The following ZDHHC5 variants were observed in gnomAD, a reference collection of about 807,000 sequenced individuals.
The protein encoded by ZDHHC5 is zDHHC palmitoyltransferase 5.
ZDHHC5 carries 22 observed loss-of-function variants against 70.0 expected under a neutral mutation model. That is an observed-to-expected ratio of 0.31 (90% CI 0.22 to 0.45). The LOEUF (loss-of-function observed/expected upper bound fraction) is 0.45, where lower values mean the gene tolerates loss of function less well. Among genes scored for constraint, ZDHHC5 ranks in the 20% least tolerant of loss-of-function variants. ZDHHC5 has a pLI of 1.00. For synonymous variants in ZDHHC5, 313 were observed against 347.8 expected (o/e 0.90, Z 1.11); for missense variants, 746 against 926.9 (o/e 0.80, Z 2.53).
At chr11:57,682,072 T>C (rs1946156107) in intron 2 of ZDHHC5, among the ~76,000 whole-genome samples, 1 of 152,154 alleles carries the variant, frequency 6.6e-6, no homozygotes. Context: ...GTAGCTGATA[T>C]CATAGTCAGT....
At chr11:57,683,380 T>C (rs956776437) in intron 3 of ZDHHC5, among the ~76,000 whole-genome samples, 1 of 152,166 alleles carries the variant, frequency 6.6e-6, no homozygotes, top group Non-Finnish European at 1.5e-5. Context: ...CAAGGCTGGA[T>C]TTACAGATTT....
chr11:57,671,263 A>G (rs1487051368), intron 1 of ZDHHC5, among the ~76,000 whole-genome samples: 3 of 152,230 alleles, frequency 2.0e-5, no homozygotes, highest in Non-Finnish European at 2.9e-5. Flanking sequence ...AAAGCATTTT[A>G]TAAAATCCCA....
At chr11:57,670,676 A>G (rs1048247556) in intron 1 of ZDHHC5, among the ~76,000 whole-genome samples, 3 of 152,134 alleles carry the variant, frequency 2.0e-5, no homozygotes, top group Non-Finnish European at 4.4e-5. Context: ...CTGTATTCTA[A>G]TACTGCTGTT....
intron 1 of ZDHHC5, among the ~76,000 whole-genome samples, chr11:57,668,951 C>T (rs1040812237): frequency 6.6e-6 from 1 of 152,206 alleles, no homozygotes; most frequent in Non-Finnish European, 1.5e-5. Context: ...ATCACATATA[C>T]GTTATACGCT....
At chr11:57,683,527 G>T (rs1946173354) in intron 3 of ZDHHC5, among the ~76,000 whole-genome samples, 1 of 152,146 alleles carries the variant, frequency 6.6e-6, no homozygotes, top group Non-Finnish European at 1.5e-5. Flanking sequence ...TTATAAACCT[G>T]AATATGAGAT....
chr11:57,688,532 A>T lies in ZDHHC5; in HGVS notation c.251A>T (p.Asp84Val). The T allele has an allele frequency of 6.3e-7, 1 of 1,599,306 alleles. No homozygotes were observed. The highest frequency in any genetic ancestry group is 8.5e-7 in the Non-Finnish European group (1 of 1,172,122). Residue 84 changes from aspartate to valine, a missense_variant, in exon 4 of 12, where the codon GAT (aspartate) becomes GTT (valine). This residue lies in a region of ZDHHC5 where 89 missense variants were observed against 130.7 expected (regional missense o/e 0.68). Transcript: ENST00000287169. ...GCTGAGGAGGATGAGGACAAGGAAG[A>T]TGATTTCCGAGCTCCCCTTTACAAA... is the stretch of plus-strand genomic sequence containing the variant. ...PRAEEDEDKEDDFRAPLYKTV... is the reference protein window; with the variant it reads ...PRAEEDEDKEVDFRAPLYKTV...
At chr11:57,676,649 CA>C (rs909058724) in intron 2 of ZDHHC5, among the ~76,000 whole-genome samples, 150 of 142,334 alleles carry the variant, frequency 1.1e-3, no homozygotes, top group African/African-American at 2.8e-3. Flanking sequence ...ATCTTATATA[CA>C]AAAAAAAAAA....
rs1414261422 is a variant in ZDHHC5 at position 57,672,036 on chromosome 11, C to T, written c.-1055C>T. ...TTTTCTCCAGGTGAGACACAGTAAC[C>T]TGGTTGAACTCTGCATCTGGAAAGC... On this transcript the variant is annotated 5_prime_UTR_variant, in exon 2 of 12. Coordinates refer to ENST00000287169, the MANE Select transcript of ZDHHC5 (RefSeq NM_015457.3). The T allele has an allele frequency of 7.7e-6, 3 of 389,808 alleles. No individual in the cohort carries two copies. Among genetic ancestry groups the T allele is most frequent in the Non-Finnish European group, 1.4e-5 (3 of 221,064 alleles). 24.1% of individuals were successfully genotyped at this position (389,808 alleles called of 1,614,324 possible).
intron 8 of ZDHHC5, 149 bp downstream of exon 8, chr11:57,694,064 T>TCAGTGCAAA: frequency 9.2e-7 from 1 of 1,088,754 alleles, no homozygotes; most frequent in Admixed American, 3.3e-5. Flanking sequence ...GCAGTGGTGC[T>TCAGTGCAAA]CAGTGCAAAC....
At chr11:57,699,840 A>C in intron 11 of ZDHHC5, 26 bp from the exon 12 acceptor site, 1 of 1,613,972 alleles carries the variant, frequency 6.2e-7, no homozygotes, top group African/African-American at 1.3e-5. Context: ...ATTTCCTGAC[A>C]CCTACGTCTT....
At chr11:57,684,829 A>C (rs1451068449) in intron 3 of ZDHHC5, among the ~76,000 whole-genome samples, 1 of 151,896 alleles carries the variant, frequency 6.6e-6, no homozygotes, top group African/African-American at 2.4e-5. Flanking sequence ...CGGGCTGGCA[A>C]CTCTGCTGAG....
At chr11:57,696,157 T>A in intron 9 of ZDHHC5, 114 bp downstream of exon 9, 1 of 1,437,654 alleles carries the variant, frequency 7.0e-7, no homozygotes, top group Non-Finnish European at 9.2e-7. Context: ...GTTGTGACTT[T>A]AAACACCCAA....
chr11:57,696,836 G>A lies in ZDHHC5; in HGVS notation c.1085G>A (p.Ser362Asn). Residue 362 changes from serine to asparagine, a missense_variant, in exon 10 of 12, where the codon AGT becomes AAT. By Grantham distance (46) the Ser-to-Asn change is conservative. This residue lies in a region of ZDHHC5 where 179 missense variants were observed against 178.4 expected (regional missense o/e 1.00). Coordinates refer to ENST00000287169, the MANE Select transcript of ZDHHC5 (RefSeq NM_015457.3). ...YKYRPGYSSSSTSAAMPHSSS... is the reference protein window; with the variant it reads ...YKYRPGYSSSNTSAAMPHSSS... ...TATCGGCCGGGTTACAGTAGCAGCA[G>A]TACGTCAGCTGCCATGCCGCATTCC... 1 of 1,614,000 alleles carries A rather than the reference G, an allele frequency of 6.2e-7. No homozygotes were observed. Among genetic ancestry groups the A allele is most frequent in the Non-Finnish European group, 8.5e-7 (1 of 1,179,908 alleles).
intron 2 of ZDHHC5, among the ~76,000 whole-genome samples, chr11:57,678,139 A>G (rs955680964): frequency 6.6e-6 from 1 of 152,202 alleles, no homozygotes; most frequent in East Asian, 1.9e-4. Context: ...GCATAGACCT[A>G]TTCTTTAGGA....
rs778545501 is a variant in ZDHHC5, at chr11:57,673,189, C to T, written c.99C>T (p.Ala33=). The part of the protein sequence containing the change: ...FLVGATTLFF[A]FTCPGLSLYV... ...TGGGAGCTACGACACTCTTCTTTGC[C>T]TTTACGTGAGTTTTCTCCCAGCAGG... The change falls in exon 2 of 12, where the codon GCC becomes GCT. Residue 33 remains alanine (A), a synonymous_variant. Transcript: ENST00000287169. The T allele has an allele frequency of 6.2e-7, 1 of 1,613,742 alleles. No individual in the cohort carries two copies. Among genetic ancestry groups the T allele is most frequent in the Non-Finnish European group, 8.5e-7 (1 of 1,179,742 alleles).
chr11:57,683,751 G>A lies in ZDHHC5; in HGVS notation c.226+1208G>A, dbSNP rs1038126501. On this transcript the variant is annotated intron_variant, in intron 3 of 11. Coordinates refer to ENST00000287169, the MANE Select transcript of ZDHHC5 (RefSeq NM_015457.3). Reference sequence around the variant, plus strand: ...AATACTGTGAGATTATGAAAGAACTGAGGTTAGACCTGATCAGCACTGACA... The same window carrying A: ...AATACTGTGAGATTATGAAAGAACTAAGGTTAGACCTGATCAGCACTGACA... 5.3e-5 allele frequency among the ~76,000 whole-genome samples: 8 copies of A among 152,216 alleles called. No individual in the cohort carries two copies. The East Asian group carries it at 1.4e-3, about 26-fold the overall frequency.
At chr11:57,693,143 C>T (rs2135399765) in intron 7 of ZDHHC5, among the ~76,000 whole-genome samples, 1 of 152,234 alleles carries the variant, frequency 6.6e-6, no homozygotes, top group East Asian at 1.9e-4. Flanking sequence ...CCCTTCTCTA[C>T]TCAAAATACA....
Position 57,672,377 on chromosome 11 carries a change from C to T in ZDHHC5, c.-714C>T. On this transcript the variant is annotated 5_prime_UTR_variant, in exon 2 of 12. Coordinates refer to ENST00000287169, the MANE Select transcript of ZDHHC5 (RefSeq NM_015457.3). ...GCTCAAACTTAGAACAGCTGTTGTC[C>T]AGCTTTAGCCATCAAGAGAGAAATA... 2.5e-6 allele frequency: 1 copy of T among 395,398 alleles called. No homozygotes were observed. The highest frequency in any genetic ancestry group is 4.5e-6 in the Non-Finnish European group (1 of 224,660). 24.5% of individuals were successfully genotyped at this position (395,398 alleles called of 1,614,324 possible). A position where few individuals can be genotyped will look rare whatever the true frequency, so the allele number is the denominator to read the frequency against.
rs376453110 is a variant in ZDHHC5, at chr11:57,673,096, C to G, written c.6C>G (p.Pro2=). The change falls in exon 2 of 12, where the codon CCC becomes CCG. Residue 2 remains proline (P), a synonymous_variant. Transcript: ENST00000287169. ...TTTCCCATCAGAGCTCCAACATGCC[C>G]GCAGAGTCTGGAAAGAGATTCAAAC... M[P]AESGKRFKPS... is the part of the protein sequence containing the mutation. 9 of 1,613,772 alleles carry G rather than the reference C, an allele frequency of 5.6e-6. No homozygotes were observed. The African/African-American group carries it at 1.1e-4, about 19-fold the overall frequency.
Sources: allele counts gnomAD v4.1 joint callset (sites outside exome capture counted in the v4.1 genomes callset), GRCh38; gene constraint gnomAD v4.1.1; regional missense constraint gnomAD v4.1.1; transcripts MANE v1.5; gene names NCBI Gene and HGNC (gene_info 2026-07-23, HGNC 2026-07-21).